The following RPL31 variants were observed in gnomAD, a reference collection of about 807,000 sequenced individuals.
RPL31 encodes the protein large ribosomal subunit protein eL31.
For missense variants in RPL31, 95 were observed against 164.0 expected (o/e 0.58, Z 2.30); for synonymous variants, 51 against 55.0 (o/e 0.93, Z 0.32).
At chr2:101,011,200 C>T (rs1171933168), downstream of RPL31, 2 of 712,756 alleles carry the variant, frequency 2.8e-6, no homozygotes, top group South Asian at 3.8e-5. Context: ...AACTGGGGGA[C>T]TTCTGCTCTA....
chr2:101,002,696 A>G lies in RPL31; in HGVS notation c.1-6A>G. 1.9e-6 allele frequency: 3 copies of G among 1,612,412 alleles called. No individual in the cohort carries two copies. Among genetic ancestry groups the G allele is most frequent in the Middle Eastern group, 3.4e-4 (2 of 5,966 alleles). ...TGCTCTGAGCCTCCTTGTCGCCTGC[A>G]TTTAGATGGCTCCCGCAAAGAAGGG... On this transcript the variant is annotated splice_region_variant and splice_polypyrimidine_tract_variant and intron_variant, in intron 1 of 4. Coordinates refer to ENST00000264258, the MANE Select transcript of RPL31 (RefSeq NM_000993.5).
chr2:101,017,741 A>G (rs530181861), intron 4 of RPL31: 5 of 1,099,296 alleles, frequency 4.5e-6, no homozygotes, highest in African/African-American at 3.1e-5. Flanking sequence ...CAGGCAAGAT[A>G]GGGTCAAGTG....
downstream of RPL31, chr2:101,007,688 T>C (rs1678830470): frequency 2.2e-6 from 2 of 899,604 alleles, no homozygotes; most frequent in Middle Eastern, 4.9e-4. Flanking sequence ...CTGGCCACAG[T>C]TTGTCAGGTT....
At chr2:101,012,227 A>G (rs1253829399), downstream of RPL31, among the ~76,000 whole-genome samples, 1 of 152,248 alleles carries the variant, frequency 6.6e-6, no homozygotes, top group Non-Finnish European at 1.5e-5. Flanking sequence ...AAGAGAACTG[A>G]AAGTGTTCAC....
downstream of RPL31, chr2:101,008,074 TCCTCAGGAGAAGGAGCTGAAG>T: frequency 6.2e-7 from 1 of 1,613,648 alleles, no homozygotes; most frequent in Non-Finnish European, 8.5e-7. Flanking sequence ...AAAAACCGAG[TCCTCAGGAGAAGGAGCTGAAG>T]CCCGCAGCTC....
At chr2:101,006,228 C>T (rs1294209711) in intron 4 of RPL31, 122 bp from the exon 5 acceptor site, 2 of 1,511,358 alleles carry the variant, frequency 1.3e-6, no homozygotes, top group Non-Finnish European at 1.8e-6. Context: ...AAAACTGATC[C>T]ATATCTGGGA....
Position 101,002,317 on chromosome 2 carries a change from T to G in RPL31, c.-1+2T>G. ...CCTTTCCAACTTGGACGCTGCAGAG[T>G]GAGTATGGGTGGCGGAGTCTGGGCT... On this transcript the variant is annotated splice_donor_variant, in intron 1 of 4. Transcript: ENST00000264258. LOFTEE classifies it low-confidence loss of function (5UTR_SPLICE). The G allele has an allele frequency of 5.4e-6, 1 of 184,938 alleles. No individual in the cohort carries two copies. The highest frequency in any genetic ancestry group is 1.1e-5 in the Non-Finnish European group (1 of 88,572). The allele number at this position is 184,938 out of a possible 1,614,324, so 11.5% of individuals were successfully genotyped here.
chr2:101,010,149 T>TAAAC (rs1223550572), downstream of RPL31, among the ~76,000 whole-genome samples: 1 of 152,178 alleles, frequency 6.6e-6, no homozygotes, highest in East Asian at 1.9e-4. Context: ...CTACATTTCC[T>TAAAC]AAACATTGGG....
downstream of RPL31, chr2:101,008,351 C>T (rs1364454196): frequency 8.5e-7 from 1 of 1,175,638 alleles, no homozygotes; most frequent in Non-Finnish European, 1.2e-6. Context: ...TACCTGTGAG[C>T]TTTGAGAAAA....
chr2:101,008,369 G>T, downstream of RPL31: 1 of 992,404 alleles, frequency 1.0e-6, no homozygotes, highest in Non-Finnish European at 1.4e-6. Flanking sequence ...AAACGACACA[G>T]TATTTTTGAA....
chr2:101,016,809 T>C lies in RPL31; in HGVS notation c.347-2189T>C, dbSNP rs570917450. ...TGAAATTGGAAATCATCATTCTCAG[T>C]AAACTATCACAAGGACAAAAAACCA... On this transcript the variant is annotated intron_variant, in intron 4 of 4. Coordinates refer to the RPL31 transcript ENST00000409028. 5.4e-3 allele frequency among the ~76,000 whole-genome samples: 822 copies of C among 151,636 alleles called. 17 individuals are homozygous for C. Among genetic ancestry groups the C allele is most frequent in the Non-Finnish European group, 2.4e-3 (164 of 67,950 alleles).
At chr2:101,019,006 C>T (rs771875824) in exon 5 of RPL31, 11 of 1,612,634 alleles carry the variant, frequency 6.8e-6, no homozygotes, top group Non-Finnish European at 7.6e-6. Flanking sequence ...AGTTTCTGTG[C>T]TAAACAGTGT....
chr2:101,012,716 CAAT>C (rs1329791508), intron 4 of RPL31, among the ~76,000 whole-genome samples: 1 of 151,938 alleles, frequency 6.6e-6, no homozygotes, highest in African/African-American at 2.4e-5. Flanking sequence ...TACAAAATAA[CAAT>C]TATCGGGGAT....
At chr2:101,017,735 C>A in intron 4 of RPL31, 2 of 1,039,264 alleles carry the variant, frequency 1.9e-6, no homozygotes, top group South Asian at 1.5e-5. Context: ...TTATCACAGG[C>A]AAGATAGGGT....
intron 1 of RPL31, 177 bp from the exon 2 acceptor site, chr2:101,002,525 C>T: frequency 1.6e-6 from 1 of 619,992 alleles, no homozygotes. Context: ...ATTTCCGGGT[C>T]GGAGGCATCT....
Position 101,002,691 on chromosome 2 carries a change from C to G in RPL31, c.1-11C>G. 6.2e-7 allele frequency: 1 copy of G among 1,608,944 alleles called. No individual in the cohort carries two copies. Among genetic ancestry groups the G allele is most frequent in the Non-Finnish European group, 8.5e-7 (1 of 1,175,588 alleles). The stretch of plus-strand genomic sequence containing the variant: ...AACTCTGCTCTGAGCCTCCTTGTCG[C>G]CTGCATTTAGATGGCTCCCGCAAAG... On this transcript the variant is annotated splice_polypyrimidine_tract_variant and intron_variant, in intron 1 of 4. Coordinates refer to ENST00000264258, the MANE Select transcript of RPL31 (RefSeq NM_000993.5).
At position 101,004,151 on chromosome 2, in the gene RPL31, A is replaced by G. The variant is rs1195243370; in HGVS notation, c.108-7A>G. 7.4e-6 allele frequency: 12 copies of G among 1,612,890 alleles called. No individual in the cohort carries two copies. Among genetic ancestry groups the G allele is most frequent in the Non-Finnish European group, 9.3e-6 (11 of 1,179,610 alleles). On this transcript the variant is annotated splice_region_variant and splice_polypyrimidine_tract_variant and intron_variant, in intron 2 of 4. Coordinates refer to ENST00000264258, the MANE Select transcript of RPL31 (RefSeq NM_000993.5). ...CTTTAATTTGTTCACTTATGTTTGA[A>G]TCGTAGGGGCTTCAAGAAGCGTGCA...
rs375034446 is a variant in RPL31 at position 101,014,842 on chromosome 2, TTC to T, written c.347-4150_347-4149del. 2.6e-3 allele frequency among the ~76,000 whole-genome samples: 401 copies of T among 152,326 alleles called. 1 individual carries two copies. Among genetic ancestry groups the T allele is most frequent in the African/African-American group, 9.2e-3 (381 of 41,572 alleles). ...AGTGGGTATAACTTGAGTGCCAAAC[TTC>T]TCTCTTAGACAACCAGTAGTCACAT... On this transcript the variant is annotated intron_variant, in intron 4 of 4. Coordinates refer to the RPL31 transcript ENST00000409028.
chr2:101,013,979 A>G (rs1402751803), intron 4 of RPL31, among the ~76,000 whole-genome samples: 1 of 152,236 alleles, frequency 6.6e-6, no homozygotes, highest in Non-Finnish European at 1.5e-5. Flanking sequence ...ATTCCAATAC[A>G]GCCAAGTCAT....
Sources: allele counts gnomAD v4.1 joint callset (sites outside exome capture counted in the v4.1 genomes callset), GRCh38; gene constraint gnomAD v4.1.1; transcripts MANE v1.5; gene names NCBI Gene and HGNC (gene_info 2026-07-23, HGNC 2026-07-21).